Variants in DNAH14 observed in about 807,000 individuals in gnomAD.
DNAH14 encodes dynein axonemal heavy chain 14.
DNAH14 carries 478 observed loss-of-function variants against 520.9 expected under a neutral mutation model. That is an observed-to-expected ratio of 0.92 (90% CI 0.85 to 0.99). The LOEUF (loss-of-function observed/expected upper bound fraction) is 0.99, where lower values mean the gene tolerates loss of function less well. Ranked by LOEUF, DNAH14 falls within the 50% of genes least tolerant of loss-of-function variation. The pLI is 0.00. For synonymous variants in DNAH14, 1,581 were observed against 1,757.2 expected (o/e 0.90, Z 2.51); for missense variants, 4,831 against 5,234.5 (o/e 0.92, Z 2.38).
chr1:225,172,267 A>C (rs1358050264), intron 36 of DNAH14, among the ~76,000 whole-genome samples: 1 of 152,202 alleles, frequency 6.6e-6, no homozygotes, highest in Non-Finnish European at 1.5e-5. Context: ...GGCCAGGATA[A>C]TCAGGCAGGA....
At position 225,271,912 on chromosome 1, in the gene DNAH14, T is replaced by G; in HGVS notation, c.7678T>G (p.Leu2560Val). The change falls in exon 51 of 86, where the codon TTG becomes GTG. Residue 2560 changes from leucine to valine, a missense_variant. Physicochemically the swap from Leu to Val is conservative, Grantham distance 32. Coordinates refer to ENST00000682510, the MANE Select transcript of DNAH14 (RefSeq NM_001367479.1). ...DILCTIFQAH[L>V]GIYFSINNFT... ...ATAACATTTCTTTTTAAAGGCTCAT[T>G]TGGGAATTTATTTCTCCATCAATAA... 6.5e-7 allele frequency: 1 copy of G among 1,542,836 alleles called. No homozygotes were observed. The highest frequency in any genetic ancestry group is 8.7e-7 in the Non-Finnish European group (1 of 1,144,790).
At chr1:225,132,703 T>C (rs935872071) in intron 27 of DNAH14, among the ~76,000 whole-genome samples, 1 of 152,188 alleles carries the variant, frequency 6.6e-6, no homozygotes, top group African/African-American at 2.4e-5. Context: ...ATCTTTATAA[T>C]AGAATGATTT....
intron 61 of DNAH14, among the ~76,000 whole-genome samples, chr1:225,322,112 A>C (rs1264384145): frequency 1.3e-5 from 1 of 75,940 alleles, no homozygotes; most frequent in Non-Finnish European, 2.4e-5. Flanking sequence ...TTTTTTTGAG[A>C]CAGTGTCTCA....
At chr1:224,950,152 A>G (rs969049798) in intron 1 of DNAH14, among the ~76,000 whole-genome samples, 1 of 152,150 alleles carries the variant, frequency 6.6e-6, no homozygotes, top group Non-Finnish European at 1.5e-5. Flanking sequence ...CTATCTCAAT[A>G]TAAGTATAGA....
chr1:225,028,297 A>G (rs1260642914), intron 11 of DNAH14, among the ~76,000 whole-genome samples: 3 of 151,924 alleles, frequency 2.0e-5, no homozygotes, highest in Non-Finnish European at 2.9e-5. Context: ...TACTAATTAA[A>G]TCTCTTTACT....
At chr1:225,061,655 C>T (rs2070138006) in intron 17 of DNAH14, among the ~76,000 whole-genome samples, 1 of 152,094 alleles carries the variant, frequency 6.6e-6, no homozygotes, top group African/African-American at 2.4e-5. Context: ...ATCTTGGATC[C>T]TAGATTATTG....
intron 41 of DNAH14, among the ~76,000 whole-genome samples, chr1:225,213,223 G>A (rs1231084352): frequency 6.6e-6 from 1 of 152,126 alleles, no homozygotes; most frequent in Non-Finnish European, 1.5e-5. Flanking sequence ...GGTTGTAGAT[G>A]TGTGGTATTA....
intron 23 of DNAH14, among the ~76,000 whole-genome samples, chr1:225,105,991 A>T (rs1201475398): frequency 7.8e-6 from 1 of 128,882 alleles, no homozygotes; most frequent in Non-Finnish European, 1.5e-5. Flanking sequence ...GGTCTTTACA[A>T]TTTGGCATGT....
Position 225,303,256 on chromosome 1 carries a change from C to T in DNAH14, c.8732C>T (p.Thr2911Met), listed in dbSNP as rs1025216994. The T allele has an allele frequency of 1.1e-5, 17 of 1,551,324 alleles. No homozygotes were observed. The highest frequency in any genetic ancestry group is 7.3e-5 in the East Asian group (3 of 40,934). ...TATCCTTCTATGATTAGCTCCTGCA[C>T]GATCGATTGGTATGAGAGGTGGCCA... ...RVYPSMISSC[T>M]IDWYERWPEE... Residue 2911 changes from threonine to methionine, a missense_variant, in exon 57 of 86, where the codon ACG (threonine) becomes ATG (methionine). Physicochemically the swap from Thr to Met is moderately conservative, Grantham distance 81. Transcript: ENST00000682510.
At chr1:225,042,676 C>T (rs571838507) in intron 12 of DNAH14, among the ~76,000 whole-genome samples, 159 bp from the exon 13 acceptor site, 1 of 152,312 alleles carries the variant, frequency 6.6e-6, no homozygotes, top group South Asian at 2.1e-4. Flanking sequence ...ATGCAATTTA[C>T]TTATTTTAAC....
At chr1:224,968,724 GAAAT>G (rs1194569806) in intron 6 of DNAH14, 31 bp from the exon 7 acceptor site, 11 of 1,240,048 alleles carry the variant, frequency 8.9e-6, no homozygotes, top group Non-Finnish European at 1.2e-5. Flanking sequence ...ATTTTTTAAA[GAAAT>G]AAAATAATGC....
intron 8 of DNAH14, among the ~76,000 whole-genome samples, chr1:224,983,669 C>T (rs934758578): frequency 6.6e-6 from 1 of 152,146 alleles, no homozygotes; most frequent in African/African-American, 2.4e-5. Context: ...CTCCAGAAAG[C>T]TCCTAGCACT....
intron 8 of DNAH14, among the ~76,000 whole-genome samples, chr1:224,988,010 T>G (rs542362278): frequency 6.6e-6 from 1 of 152,226 alleles, no homozygotes; most frequent in Non-Finnish European, 1.5e-5. Context: ...ACCTAGGTAT[T>G]AAGCCCAGCA....
rs1553352510 is a variant in DNAH14, at chr1:225,353,894, ATATCT to A, written c.11619+10_11619+14del. 1.4e-6 allele frequency: 2 copies of A among 1,385,896 alleles called. No individual in the cohort carries two copies. Among genetic ancestry groups the A allele is most frequent in the Non-Finnish European group, 2.0e-6 (2 of 1,003,632 alleles). 85.8% of individuals were successfully genotyped at this position (1,385,896 alleles called of 1,614,324 possible). On this transcript the variant is annotated splice_region_variant and intron_variant, in intron 73 of 85. Transcript: ENST00000682510. ...CATTTCAAAGACTTATTTTGGTAAG[ATATCT>A]TATGAGGAAATATTAATATTCTAAA...
intron 26 of DNAH14, among the ~76,000 whole-genome samples, chr1:225,120,919 A>AT (rs887621525): frequency 1.3e-5 from 2 of 152,138 alleles, no homozygotes; most frequent in Non-Finnish European, 2.9e-5. Context: ...TTAAAATGCC[A>AT]TTTTTTCATG....
At chr1:225,289,629 C>T (rs1330927831) in intron 54 of DNAH14, among the ~76,000 whole-genome samples, 1 of 151,942 alleles carries the variant, frequency 6.6e-6, no homozygotes, top group Non-Finnish European at 1.5e-5. Flanking sequence ...AGATTATGTT[C>T]TCTTTCCAGT....
chr1:224,943,017 A>C (rs1571921010), intron 1 of DNAH14, among the ~76,000 whole-genome samples: 1 of 152,232 alleles, frequency 6.6e-6, no homozygotes, highest in Admixed American at 6.5e-5. Flanking sequence ...TGCTGGCCTC[A>C]TAAAATGAGT....
chr1:224,983,431 A>C (rs949348809), intron 8 of DNAH14, among the ~76,000 whole-genome samples: 8 of 152,256 alleles, frequency 5.3e-5, no homozygotes, highest in Non-Finnish European at 1.2e-4. Flanking sequence ...TCTATGACAA[A>C]CCCACAGCCA....
chr1:225,266,368 C>G (rs2093118204), intron 48 of DNAH14, among the ~76,000 whole-genome samples: 1 of 152,230 alleles, frequency 6.6e-6, no homozygotes, highest in Non-Finnish European at 1.5e-5. Flanking sequence ...ACATTTCTAA[C>G]TATTGTCAGA....
Sources: allele counts gnomAD v4.1 joint callset (sites outside exome capture counted in the v4.1 genomes callset), GRCh38; gene constraint gnomAD v4.1.1; transcripts MANE v1.5; gene names NCBI Gene and HGNC (gene_info 2026-07-23, HGNC 2026-07-21).